Variants in COPZ1 observed in about 807,000 individuals in gnomAD.
The protein encoded by COPZ1 is coatomer subunit zeta-1.
COPZ1 carries 4 observed loss-of-function variants against 31.7 expected under a neutral mutation model. That is an observed-to-expected ratio of 0.13 (90% CI 0.06 to 0.29). The LOEUF is 0.29. Among genes scored for constraint, COPZ1 ranks in the 10% least tolerant of loss-of-function variants. The pLI, the probability that COPZ1 is intolerant of heterozygous loss-of-function variation, is 1.00. For missense variants in COPZ1, 156 were observed against 211.5 expected (o/e 0.74, Z 1.63); for synonymous variants, 74 against 79.0 (o/e 0.94, Z 0.33).
chr12:54,339,480 T>C (rs1385092315), intron 1 of COPZ1, among the ~76,000 whole-genome samples: 1 of 152,092 alleles, frequency 6.6e-6, no homozygotes, highest in Non-Finnish European at 1.5e-5. Context: ...CCTGAGTAGC[T>C]AGGACTATAG....
At chr12:54,342,693 G>T in intron 3 of COPZ1, 1 of 199,104 alleles carries the variant, frequency 5.0e-6, no homozygotes, top group Non-Finnish European at 1.0e-5. Context: ...AACAGAGGAT[G>T]GTGGTTACAG....
At chr12:54,338,639 C>T (rs750900752) in intron 1 of COPZ1, among the ~76,000 whole-genome samples, 2 of 152,300 alleles carry the variant, frequency 1.3e-5, no homozygotes, top group South Asian at 2.1e-4. Context: ...ATGCATACTG[C>T]GTCAAGGTAT....
At chr12:54,327,679 G>C (rs377192896) in intron 1 of COPZ1, among the ~76,000 whole-genome samples, 8 of 150,730 alleles carry the variant, frequency 5.3e-5, no homozygotes, top group African/African-American at 1.7e-4. Context: ...CAGGAGGATC[G>C]CTTGAGCCTG....
intron 1 of COPZ1, among the ~76,000 whole-genome samples, chr12:54,338,959 TG>T (rs1953921251): frequency 6.6e-6 from 1 of 152,168 alleles, no homozygotes; most frequent in Admixed American, 6.6e-5. Flanking sequence ...CTGCAGTTTC[TG>T]GGTTCTTGGC....
At chr12:54,336,022 T>G (rs1357223032) in intron 1 of COPZ1, among the ~76,000 whole-genome samples, 4 of 152,138 alleles carry the variant, frequency 2.6e-5, no homozygotes, top group Non-Finnish European at 5.9e-5. Context: ...GATGGCATCC[T>G]GTAATTCCCT....
chr12:54,332,185 G>A (rs570482897), intron 1 of COPZ1, among the ~76,000 whole-genome samples: 2 of 152,140 alleles, frequency 1.3e-5, no homozygotes, highest in South Asian at 4.2e-4. Context: ...AGCCGGTCAT[G>A]GTGTCACGCG....
chr12:54,332,303 T>A (rs1047334222), intron 1 of COPZ1, among the ~76,000 whole-genome samples: 5 of 150,114 alleles, frequency 3.3e-5, no homozygotes, highest in African/African-American at 7.4e-5. Context: ...AGAGTGAGAC[T>A]CCGTCTCAAA....
At position 54,327,296 on chromosome 12, in the gene COPZ1, G is replaced by GT. The variant is rs79015590; in HGVS notation, c.18+2132dup. Among the ~76,000 whole-genome samples, 1,086 of 118,604 alleles carry GT rather than the reference G, an allele frequency of 9.2e-3. 6 individuals carry two copies. The highest frequency in any genetic ancestry group is 0.019 in the African/African-American group (623 of 31,968). The allele number at this position is 118,604 out of a possible 152,430, so 77.8% of individuals were successfully genotyped here. A position where few individuals can be genotyped will look rare whatever the true frequency, so the allele number is the denominator to read the frequency against. The stretch of plus-strand genomic sequence containing the variant: ...TCACTGCACCCCGGCCAGTTAGCAA[G>GT]TTTTTTTTTTTTTTTTTGGAAACAG... On this transcript the variant is annotated intron_variant, in intron 1 of 8. Transcript: ENST00000262061.
intron 1 of COPZ1, among the ~76,000 whole-genome samples, chr12:54,326,678 T>G (rs1030900984): frequency 5.0e-5 from 7 of 140,604 alleles, no homozygotes; most frequent in African/African-American, 7.8e-5. Context: ...TGTGTGTGTG[T>G]GTAGGTAGGT....
At chr12:54,327,568 A>T (rs1256253818) in intron 1 of COPZ1, among the ~76,000 whole-genome samples, 2 of 152,130 alleles carry the variant, frequency 1.3e-5, no homozygotes, top group Non-Finnish European at 2.9e-5. Context: ...AAGTGCTAGG[A>T]TTATAGGAGT....
intron 1 of COPZ1, among the ~76,000 whole-genome samples, chr12:54,328,301 G>A (rs1287371527): frequency 1.5e-4 from 23 of 149,984 alleles, no homozygotes; most frequent in African/African-American, 3.9e-4. Context: ...GCCGGGCACG[G>A]TGGCTCACGC....
chr12:54,350,125 CG>C, intron 8 of COPZ1: 1 of 630,196 alleles, frequency 1.6e-6, no homozygotes, highest in Non-Finnish European at 2.8e-6. Flanking sequence ...GGAGGGGTTC[CG>C]TTTTCTACCC....
chr12:54,340,889 CAG>C (rs1279537711), intron 2 of COPZ1, among the ~76,000 whole-genome samples: 7 of 152,038 alleles, frequency 4.6e-5, no homozygotes, highest in African/African-American at 9.7e-5. Flanking sequence ...TTAGTAGAGA[CAG>C]GGTTTCAGCA....
At chr12:54,350,063 C>A in intron 8 of COPZ1, 1 of 601,020 alleles carries the variant, frequency 1.7e-6, no homozygotes, top group Non-Finnish European at 3.0e-6. Flanking sequence ...TTTTGCAGAT[C>A]CATCTTGCTA....
intron 1 of COPZ1, among the ~76,000 whole-genome samples, chr12:54,327,410 G>A (rs1007824759): frequency 6.6e-5 from 10 of 150,846 alleles, no homozygotes; most frequent in African/African-American, 2.4e-4. Flanking sequence ...AATTTCTCCT[G>A]CCTCAGCCTC....
At chr12:54,326,124 A>AATAATAATTATTATT (rs1555152047) in intron 1 of COPZ1, among the ~76,000 whole-genome samples, 6 of 139,164 alleles carry the variant, frequency 4.3e-5, no homozygotes, top group African/African-American at 1.3e-4. Flanking sequence ...CCTGGCCAGG[A>AATAATAATTATTATT]ATTATTATTA....
At chr12:54,341,377 C>T (rs1247775355) in intron 2 of COPZ1, among the ~76,000 whole-genome samples, 1 of 152,206 alleles carries the variant, frequency 6.6e-6, no homozygotes, top group Non-Finnish European at 1.5e-5. Flanking sequence ...GACACCCTCT[C>T]TCCCTCCATA....
Position 54,332,728 on chromosome 12 carries a change from C to G in COPZ1, c.18+7547C>G, listed in dbSNP as rs376690595. On this transcript the variant is annotated intron_variant, in intron 1 of 8. Transcript: ENST00000262061. The stretch of plus-strand genomic sequence containing the variant: ...CAGCCTGGGCAACAAGAATGAAACT[C>G]AGTCTTAAAAAAAAAAAGGGAAAAA... 3.4e-3 allele frequency among the ~76,000 whole-genome samples: 499 copies of G among 147,224 alleles called. 5 individuals are homozygous for G. The highest frequency in any genetic ancestry group is 0.025 in the South Asian group (116 of 4,656).
intron 2 of COPZ1, among the ~76,000 whole-genome samples, chr12:54,341,352 G>A (rs1953969853): frequency 2.0e-5 from 3 of 152,042 alleles, no homozygotes; most frequent in Non-Finnish European, 2.9e-5. Context: ...AGATCTGTTG[G>A]AAGAAAGAAG....
Sources: allele counts gnomAD v4.1 joint callset (sites outside exome capture counted in the v4.1 genomes callset), GRCh38; gene constraint gnomAD v4.1.1; transcripts MANE v1.5; gene names NCBI Gene and HGNC (gene_info 2026-07-23, HGNC 2026-07-21).